The following PTER variants were observed in gnomAD, a reference collection of about 807,000 sequenced individuals.
PTER encodes phosphotriesterase related, also known as N-acetyltaurine hydrolase.
In PTER, 38 loss-of-function variants were observed where a neutral mutation model predicts 29.6. That is an observed-to-expected ratio of 1.28 (90% CI 0.99 to 1.68). The LOEUF is 1.68. Ranked by LOEUF, PTER falls within the 40% of genes most tolerant of loss-of-function variation. The pLI is 0.00. For missense variants in PTER, 482 were observed against 427.8 expected (o/e 1.13, Z -1.12); for synonymous variants, 172 against 154.5 (o/e 1.11, Z -0.84).
chr10:16,450,516 G>T (rs982305954), intron 1 of PTER, among the ~76,000 whole-genome samples: 1 of 152,150 alleles, frequency 6.6e-6, no homozygotes, highest in South Asian at 2.1e-4. Context: ...AAGTTGCAGG[G>T]TCCCATTCTT....
intron 1 of PTER, chr10:16,437,301 A>G (rs1833685187): frequency 6.7e-6 from 1 of 150,038 alleles, no homozygotes; most frequent in Admixed American, 6.6e-5. Flanking sequence ...CGGGGGCGTC[A>G]TCGGGTAGCT....
At chr10:16,461,114 T>G (rs1402465223) in intron 1 of PTER, among the ~76,000 whole-genome samples, 1 of 152,168 alleles carries the variant, frequency 6.6e-6, no homozygotes, top group Non-Finnish European at 1.5e-5. Context: ...TATAAGTATA[T>G]AGATAAATCA....
intron 1 of PTER, among the ~76,000 whole-genome samples, chr10:16,461,708 A>T (rs1303391986): frequency 6.6e-6 from 1 of 152,230 alleles, no homozygotes; most frequent in Non-Finnish European, 1.5e-5. Flanking sequence ...CTCTAGAGCA[A>T]TTTTTCTCAA....
chr10:16,478,477 G>A (rs1368351128), intron 1 of PTER, among the ~76,000 whole-genome samples: 1 of 151,906 alleles, frequency 6.6e-6, no homozygotes, highest in African/African-American at 2.4e-5. Flanking sequence ...GGTATTACAG[G>A]TGCCTGCCAC....
intron 1 of PTER, among the ~76,000 whole-genome samples, chr10:16,441,224 A>T (rs559017034): frequency 6.6e-6 from 1 of 152,236 alleles, no homozygotes; most frequent in African/African-American, 2.4e-5. Context: ...AACAATTTTC[A>T]GTGCACTTCC....
chr10:16,509,186 A>C (rs1167073664), intron 4 of PTER, among the ~76,000 whole-genome samples: 1 of 152,142 alleles, frequency 6.6e-6, no homozygotes, highest in Admixed American at 6.5e-5. Context: ...GTTCTTCCAT[A>C]TAATGGCACA....
At chr10:16,462,142 C>T (rs1292526559) in intron 1 of PTER, among the ~76,000 whole-genome samples, 4 of 152,028 alleles carry the variant, frequency 2.6e-5, no homozygotes, top group Non-Finnish European at 4.4e-5. Flanking sequence ...CCTGCCACTA[C>T]GCCTGGCTAA....
At chr10:16,502,287 C>A (rs1172445438) in intron 3 of PTER, among the ~76,000 whole-genome samples, 1 of 152,116 alleles carries the variant, frequency 6.6e-6, no homozygotes, top group Non-Finnish European at 1.5e-5. Context: ...TACCTCTTCC[C>A]GCTTACATTA....
In PTER at chr10:16,497,086, C is replaced by T. The variant is rs565974577; in HGVS notation, c.699-7934C>T. Among the ~76,000 whole-genome samples the T allele has an allele frequency of 7.1e-4, 108 of 152,210 alleles. 2 individuals carry two copies. The South Asian group carries it at 0.022, about 31-fold the overall frequency. ...AGTAGCTAGGATTACAGGTGCCTGC[C>T]ACCATGCCTGGCTAATTTTTGTATT... On this transcript the variant is annotated intron_variant, in intron 3 of 4. Coordinates refer to ENST00000535784, the MANE Select transcript of PTER (RefSeq NM_001261836.2).
Position 16,459,174 on chromosome 10 carries a change from C to A in PTER, c.-49+22127C>A, listed in dbSNP as rs190583194. Among the ~76,000 whole-genome samples the A allele has an allele frequency of 2.5e-4, 38 of 152,298 alleles. No homozygotes were observed. In the East Asian group the frequency reaches 5.0e-3, roughly 20 times the overall value. ...CACTTTTAAAACCCACTTAGTGATT[C>A]TTCTCACCCCTTCCAGTCGCAAGAT... On this transcript the variant is annotated intron_variant, in intron 1 of 4. Transcript: ENST00000535784.
intron 1 of PTER, among the ~76,000 whole-genome samples, chr10:16,483,686 A>T (rs1395922734): frequency 6.6e-6 from 1 of 152,156 alleles, no homozygotes; most frequent in African/African-American, 2.4e-5. Context: ...CATCTCCTAA[A>T]AATGCAAAAA....
Position 16,491,563 on chromosome 10 carries a change from G to A in PTER, c.698+4946G>A, listed in dbSNP as rs569895483. 6.6e-5 allele frequency among the ~76,000 whole-genome samples: 10 copies of A among 152,160 alleles called. No homozygotes were observed. The East Asian group carries it at 1.7e-3, about 26-fold the overall frequency. On this transcript the variant is annotated intron_variant, in intron 3 of 4. Coordinates refer to ENST00000535784, the MANE Select transcript of PTER (RefSeq NM_001261836.2). ...GCAACGAAATGCACAGAAGCCTCAC[G>A]AAACAGACCTGCATCCCCAAAACAA...
chr10:16,480,727 A>G (rs1461146790), intron 1 of PTER, among the ~76,000 whole-genome samples: 9 of 152,198 alleles, frequency 5.9e-5, no homozygotes, highest in Non-Finnish European at 4.4e-5. Context: ...AGACGGAATC[A>G]TCTTAAGTAT....
chr10:16,449,192 C>G (rs990085043), intron 1 of PTER, among the ~76,000 whole-genome samples: 2 of 152,140 alleles, frequency 1.3e-5, no homozygotes, highest in South Asian at 4.1e-4. Context: ...GCTCTAATGG[C>G]TTCTATTTGG....
At chr10:16,439,527 C>A (rs1833774521) in intron 1 of PTER, among the ~76,000 whole-genome samples, 1 of 151,884 alleles carries the variant, frequency 6.6e-6, no homozygotes, top group Admixed American at 6.6e-5. Context: ...AGTAAGCAGC[C>A]CTGATGCAAG....
intron 1 of PTER, among the ~76,000 whole-genome samples, chr10:16,457,286 C>T (rs1341212337): frequency 6.6e-6 from 1 of 152,002 alleles, no homozygotes; most frequent in Non-Finnish European, 1.5e-5. Flanking sequence ...GATCTCGGCT[C>T]ACTGCAAGCT....
At chr10:16,485,139 C>T (rs1354658140) in intron 2 of PTER, among the ~76,000 whole-genome samples, 1 of 152,154 alleles carries the variant, frequency 6.6e-6, no homozygotes, top group East Asian at 1.9e-4. Flanking sequence ...GTATTGGCAC[C>T]ACAGTCTATT....
chr10:16,463,199 A>G (rs903168645), intron 1 of PTER, among the ~76,000 whole-genome samples: 18 of 92,966 alleles, frequency 1.9e-4, no homozygotes, highest in African/African-American at 6.1e-4. Flanking sequence ...GACTCTGTCT[A>G]AAAAAAAAAA....
intron 1 of PTER, among the ~76,000 whole-genome samples, chr10:16,455,330 T>G (rs533568742): frequency 4.6e-5 from 7 of 152,282 alleles, no homozygotes; most frequent in Admixed American, 1.3e-4. Flanking sequence ...AGTACTGCCC[T>G]GGCCCCAATA....
Sources: gnomAD v4.1 joint callset for allele counts (sites outside exome capture counted in the v4.1 genomes callset) on GRCh38, gnomAD v4.1.1 for gene constraint, MANE v1.5 for transcripts, NCBI Gene and HGNC (gene_info 2026-07-23, HGNC 2026-07-21) for gene names.